LRRFIP1: variants seen among roughly 807,000 people sequenced by gnomAD.
The protein encoded by LRRFIP1 is leucine-rich repeat flightless-interacting protein 1.
In LRRFIP1, 62 loss-of-function variants were observed where a neutral mutation model predicts 104.4. That is an observed-to-expected ratio of 0.59 (90% CI 0.48 to 0.73). LRRFIP1 has a LOEUF of 0.73. Among genes scored for constraint, LRRFIP1 ranks in the 30% least tolerant of loss-of-function variants. LRRFIP1 has a pLI of 0.00. For missense variants in LRRFIP1, 796 were observed against 824.5 expected (o/e 0.97, Z 0.42); for synonymous variants, 300 against 299.0 (o/e 1.00, Z -0.03).
intron 1 of LRRFIP1, among the ~76,000 whole-genome samples, chr2:237,696,673 A>G (rs2093205090): frequency 6.6e-6 from 1 of 152,240 alleles, no homozygotes; most frequent in African/African-American, 2.4e-5. Context: ...GCTAGTCAGC[A>G]GTGGAGCCAG....
intron 1 of LRRFIP1, among the ~76,000 whole-genome samples, chr2:237,640,538 AC>A (rs1381911873): frequency 1.3e-5 from 2 of 151,422 alleles, no homozygotes; most frequent in Non-Finnish European, 2.9e-5. Context: ...GTCGTCCTTC[AC>A]CCCCCAGGAC....
At chr2:237,744,914 A>C (rs754305957) in intron 11 of LRRFIP1, among the ~76,000 whole-genome samples, 38 of 152,244 alleles carry the variant, frequency 2.5e-4, no homozygotes, top group Non-Finnish European at 4.0e-4. Context: ...GACCGTCTGC[A>C]GCCACCATGT....
intron 1 of LRRFIP1, among the ~76,000 whole-genome samples, chr2:237,629,947 T>C (rs1249061280): frequency 6.6e-6 from 1 of 152,144 alleles, no homozygotes; most frequent in African/African-American, 2.4e-5. Context: ...TGTGCCATCC[T>C]AGGAAGGTGA....
chr2:237,649,530 CA>C lies in LRRFIP1; in HGVS notation c.96+21799del, dbSNP rs925971187. ...TGGGCAACCAAGAGAGATTCTGTCTCAAAAAAAAAGAACACTGTGGTGTGAG... is the reference window on the plus strand; with the variant it reads ...TGGGCAACCAAGAGAGATTCTGTCTCAAAAAAAAGAACACTGTGGTGTGAG... On this transcript the variant is annotated intron_variant, in intron 1 of 23. Transcript: ENST00000308482. This position sits in a 1 kb window ranked among gnomAD's most constrained non-coding sequence, Gnocchi z 4.1. 3.3e-5 allele frequency among the ~76,000 whole-genome samples: 5 copies of C among 150,630 alleles called. No individual in the cohort carries two copies. Among genetic ancestry groups the C allele is most frequent in the East Asian group, 3.9e-4 (2 of 5,158 alleles).
intron 11 of LRRFIP1, among the ~76,000 whole-genome samples, chr2:237,740,149 T>A (rs1335910248): frequency 6.6e-6 from 1 of 151,930 alleles, no homozygotes; most frequent in Non-Finnish European, 1.5e-5. Context: ...CTCACATCTG[T>A]AATCCCAGCG....
chr2:237,697,310 AC>A (rs2093256729), intron 1 of LRRFIP1, among the ~76,000 whole-genome samples: 1 of 152,212 alleles, frequency 6.6e-6, no homozygotes, highest in Admixed American at 6.5e-5. Flanking sequence ...GGCATGAGCC[AC>A]CACACCCGGC....
At chr2:237,695,356 A>G (rs2093105252) in intron 1 of LRRFIP1, among the ~76,000 whole-genome samples, 1 of 152,212 alleles carries the variant, frequency 6.6e-6, no homozygotes, top group African/African-American at 2.4e-5. Flanking sequence ...AGTTATTTAT[A>G]GTTGCAGAAC....
At chr2:237,679,860 G>A (rs191003114) in intron 1 of LRRFIP1, among the ~76,000 whole-genome samples, 272 of 152,170 alleles carry the variant, frequency 1.8e-3, no homozygotes, top group African/African-American at 6.1e-3. Context: ...CACCCGCCTC[G>A]GCCTCCCAAA....
chr2:237,766,127 C>T lies in LRRFIP1; in HGVS notation c.1460-3816C>T, dbSNP rs567015500. On this transcript the variant is annotated intron_variant, in intron 19 of 23. Coordinates refer to ENST00000308482, the MANE Select transcript of LRRFIP1 (RefSeq NM_001137550.2). This position sits in a 1 kb window ranked among gnomAD's most constrained non-coding sequence, Gnocchi z 4.8. ...ATGGGCATTACTGGGAGAACTGAGA[C>T]GATTGTCACGCACCATCCCCTGTGA... Among the ~76,000 whole-genome samples, 1 of 152,264 alleles carries T rather than the reference C, an allele frequency of 6.6e-6. No homozygotes were observed. The highest frequency in any genetic ancestry group is 1.9e-4 in the East Asian group (1 of 5,180).
At position 237,644,202 on chromosome 2, in the gene LRRFIP1, C is replaced by T. The variant is rs143057942; in HGVS notation, c.96+16462C>T. Among the ~76,000 whole-genome samples the T allele has an allele frequency of 2.9e-3, 449 of 152,350 alleles. 3 individuals are homozygous for T. Among genetic ancestry groups the T allele is most frequent in the African/African-American group, 0.01 (420 of 41,580 alleles). ...TTGTGTGCACGATCGGGTTGCATTGCACACTGCCGGCGCGATGAGCTCGCA... is the reference window on the plus strand; with the variant it reads ...TTGTGTGCACGATCGGGTTGCATTGTACACTGCCGGCGCGATGAGCTCGCA... On this transcript the variant is annotated intron_variant, in intron 1 of 23. Coordinates refer to ENST00000308482, the MANE Select transcript of LRRFIP1 (RefSeq NM_001137550.2).
intron 9 of LRRFIP1, 101 bp downstream of exon 9, chr2:237,733,919 T>TG: frequency 4.8e-6 from 6 of 1,237,578 alleles, no homozygotes; most frequent in Non-Finnish European, 7.0e-6. Context: ...CCCAGCCCCC[T>TG]GGGGGAAGTT....
chr2:237,704,836 T>C (rs1481822175), intron 1 of LRRFIP1, among the ~76,000 whole-genome samples: 1 of 152,138 alleles, frequency 6.6e-6, no homozygotes, highest in African/African-American at 2.4e-5. Context: ...TGTGTCCCCA[T>C]GAGGAATTGA....
chr2:237,637,629 G>A (rs1055896294), intron 1 of LRRFIP1, among the ~76,000 whole-genome samples: 17 of 152,248 alleles, frequency 1.1e-4, no homozygotes, highest in African/African-American at 4.1e-4. Flanking sequence ...TAAACTCTTG[G>A]ATCAGCAAGT....
intron 1 of LRRFIP1, among the ~76,000 whole-genome samples, chr2:237,667,904 A>G (rs1206189564): frequency 1.3e-5 from 2 of 151,882 alleles, no homozygotes; most frequent in Non-Finnish European, 2.9e-5. Flanking sequence ...GCTTGTTTTC[A>G]TGAGGTTTGC....
intron 1 of LRRFIP1, among the ~76,000 whole-genome samples, chr2:237,633,215 TC>T (rs1425082778): frequency 5.3e-5 from 8 of 152,214 alleles, no homozygotes. Context: ...TCTTGGCAGA[TC>T]GTCTACAAGG....
chr2:237,759,273 G>A (rs1313046864), intron 18 of LRRFIP1, among the ~76,000 whole-genome samples: 2 of 152,130 alleles, frequency 1.3e-5, no homozygotes, highest in African/African-American at 4.8e-5. Context: ...ACGGTTCCCT[G>A]TCCTTGGTGG....
rs1393855290 is a variant in LRRFIP1 at position 237,779,769 on chromosome 2, G to A, written c.*237G>A. 4 of 401,020 alleles carry A rather than the reference G, an allele frequency of 1.0e-5. No homozygotes were observed. Among genetic ancestry groups the A allele is most frequent in the African/African-American group, 6.1e-5 (3 of 48,982 alleles). 24.8% of individuals were successfully genotyped at this position (401,020 alleles called of 1,614,324 possible). ...CTGGCGCCGACGCTCAGAACCTGCA[G>A]GTACTTCATAAGCACACAGGGGCCT... On this transcript the variant is annotated 3_prime_UTR_variant, in exon 24 of 24. Coordinates refer to ENST00000308482, the MANE Select transcript of LRRFIP1 (RefSeq NM_001137550.2).
In LRRFIP1 at chr2:237,781,378, C is replaced by A. The variant is rs2061423957; in HGVS notation, c.*1846C>A. Among the ~76,000 whole-genome samples the A allele has an allele frequency of 6.6e-6, 1 of 152,154 alleles. No homozygotes were observed. The highest frequency in any genetic ancestry group is 1.5e-5 in the Non-Finnish European group (1 of 68,026). On this transcript the variant is annotated 3_prime_UTR_variant, in exon 24 of 24. Transcript: ENST00000308482. ...AAATCCACATTACAGATGAGGGACC[C>A]AGGGTCCAGGAAGGTGAACTGGCAG... is the stretch of plus-strand genomic sequence containing the variant.
intron 22 of LRRFIP1, among the ~76,000 whole-genome samples, 194 bp downstream of exon 22, chr2:237,773,139 A>T (rs1213307712): frequency 6.6e-6 from 1 of 152,208 alleles, no homozygotes; most frequent in African/African-American, 2.4e-5. Context: ...AATTCTTAGA[A>T]TTTAAGTTGT....
Sources: gnomAD v4.1 joint callset for allele counts (sites outside exome capture counted in the v4.1 genomes callset) on GRCh38, gnomAD v4.1.1 for gene constraint, Gnocchi (gnomAD v3.1) non-coding constraint, MANE v1.5 for transcripts, NCBI Gene and HGNC (gene_info 2026-07-23, HGNC 2026-07-21) for gene names.